UBR3: variants seen among roughly 807,000 people sequenced by gnomAD.
UBR3 encodes the protein E3 ubiquitin-protein ligase UBR3.
A neutral mutation model predicts 243.2 loss-of-function variants in UBR3; 85 were observed. The observed-to-expected ratio is 0.35, with a 90% confidence interval of 0.29 to 0.42. The LOEUF is 0.42. Ranked by LOEUF, UBR3 falls within the 10% of genes least tolerant of loss-of-function variation. The pLI, the probability that UBR3 is intolerant of heterozygous loss-of-function variation, is 1.00. For synonymous variants in UBR3, 748 were observed against 799.8 expected, an observed-to-expected ratio of 0.94 and a Z score of 1.09; for missense variants, 1,686 against 2,300.8, an observed-to-expected ratio of 0.73 and a Z score of 5.47.
chr2:170,034,654 G>A (rs1014762175), intron 31 of UBR3, among the ~76,000 whole-genome samples: 1 of 150,872 alleles, frequency 6.6e-6, no homozygotes. Flanking sequence ...AGGTTTTTGC[G>A]TATATAAGTT....
intron 27 of UBR3, 81 bp from the exon 28 acceptor site, chr2:170,006,908 AT>A: frequency 8.6e-7 from 1 of 1,158,886 alleles, no homozygotes; most frequent in Non-Finnish European, 1.2e-6. Flanking sequence ...TGGTTTATTA[AT>A]TTACTATAAA....
At chr2:170,032,436 AT>A (rs200812692) in intron 31 of UBR3, among the ~76,000 whole-genome samples, 3,672 of 152,212 alleles carry the variant, frequency 0.024, 56 homozygotes, top group Non-Finnish European at 0.037. Context: ...ATGTAGACCT[AT>A]TCAGATTTTG....
rs1249407837 is a variant in UBR3, at chr2:169,827,963, C to T, written c.456C>T (p.Gly152=). ...TGTGCGCCGAGTGCTTCCACCAGGG[C>T]GACCACACCGGACACGACTTCAACA... ...MSLCAECFHQ[G]DHTGHDFNMF... The change falls in exon 1 of 39, where the codon GGC becomes GGT. Residue 152 remains glycine (G), a synonymous_variant. Transcript: ENST00000272793. The T allele has an allele frequency of 6.8e-7, 1 of 1,470,756 alleles. No individual in the cohort carries two copies. The highest frequency in any genetic ancestry group is 2.9e-5 in the East Asian group (1 of 34,706). 91.1% of individuals were successfully genotyped at this position (1,470,756 alleles called of 1,614,324 possible). A position where few individuals can be genotyped will look rare whatever the true frequency, so the allele number is the denominator to read the frequency against.
At chr2:170,012,509 TATC>T (rs1316969400) in intron 29 of UBR3, among the ~76,000 whole-genome samples, 16 of 152,112 alleles carry the variant, frequency 1.1e-4, no homozygotes, top group Admixed American at 2.6e-4. Flanking sequence ...TTTTTAAAAA[TATC>T]ATATAGAGAA....
intron 27 of UBR3, among the ~76,000 whole-genome samples, chr2:170,004,748 T>G (rs565578405): frequency 8.6e-5 from 13 of 151,286 alleles, no homozygotes; most frequent in African/African-American, 3.2e-4. Flanking sequence ...CCATCTATAC[T>G]AAAAACACAA....
chr2:169,929,611 A>T (rs1411456492), intron 18 of UBR3, among the ~76,000 whole-genome samples: 1 of 152,122 alleles, frequency 6.6e-6, no homozygotes, highest in Non-Finnish European at 1.5e-5. Context: ...TGCTGATAGC[A>T]CTTACTTACA....
intron 11 of UBR3, among the ~76,000 whole-genome samples, chr2:169,917,099 C>G (rs1280591413): frequency 6.6e-6 from 1 of 152,124 alleles, no homozygotes; most frequent in Non-Finnish European, 1.5e-5. Context: ...CCTCATTACC[C>G]CTCCCCCAAC....
At chr2:170,055,674 T>G in intron 33 of UBR3, 90 bp downstream of exon 33, 1 of 1,480,240 alleles carries the variant, frequency 6.8e-7, no homozygotes, top group Admixed American at 2.2e-5. Context: ...TGTTACAAAA[T>G]GAGTTATTGG....
At chr2:170,029,039 A>C (rs992261328) in intron 30 of UBR3, among the ~76,000 whole-genome samples, 10 of 151,998 alleles carry the variant, frequency 6.6e-5, no homozygotes, top group Non-Finnish European at 1.5e-4. Context: ...AATGGTGAGA[A>C]GTACAAACTG....
chr2:169,993,082 T>C (rs1232070279), intron 25 of UBR3, among the ~76,000 whole-genome samples: 1 of 152,168 alleles, frequency 6.6e-6, no homozygotes, highest in Non-Finnish European at 1.5e-5. Flanking sequence ...TTTTACATAA[T>C]TATGGTACCA....
chr2:170,080,393 T>G, intron 37 of UBR3, 152 bp from the exon 38 acceptor site: 2 of 882,570 alleles, frequency 2.3e-6, no homozygotes, highest in South Asian at 4.3e-5. Context: ...GTATTAATAA[T>G]AAAGTGTTAG....
chr2:169,936,493 G>A lies in UBR3; in HGVS notation c.2663+3485G>A, dbSNP rs2086336268. On this transcript the variant is annotated intron_variant, in intron 19 of 38. Coordinates refer to ENST00000272793, the MANE Select transcript of UBR3 (RefSeq NM_172070.4). ...TTTTTCTTCATTCTATGTAGTATTTGTTTCCTCTAAGATGCGTTTTCTTTT... is the reference window on the plus strand; with the variant it reads ...TTTTTCTTCATTCTATGTAGTATTTATTTCCTCTAAGATGCGTTTTCTTTT... 2.0e-5 allele frequency among the ~76,000 whole-genome samples: 3 copies of A among 151,360 alleles called. No individual in the cohort carries two copies. In the South Asian group the frequency reaches 6.3e-4, roughly 32 times the overall value.
chr2:169,927,036 G>A (rs1012298831), intron 16 of UBR3, 65 bp downstream of exon 16: 8 of 1,502,194 alleles, frequency 5.3e-6, no homozygotes, highest in Non-Finnish European at 7.2e-6. Context: ...CCCTCCCTGT[G>A]GTAGTAACTG....
intron 24 of UBR3, among the ~76,000 whole-genome samples, chr2:169,966,398 A>G (rs1223583534): frequency 6.6e-6 from 1 of 152,204 alleles, no homozygotes; most frequent in African/African-American, 2.4e-5. Context: ...TTTATACAGT[A>G]CAGAAAAGCC....
At chr2:169,928,689 T>A (rs2086002475) in intron 17 of UBR3, 38 bp from the exon 18 acceptor site, 2 of 1,423,390 alleles carry the variant, frequency 1.4e-6, no homozygotes, top group Admixed American at 2.2e-5. Flanking sequence ...AAATCTGGCT[T>A]TTTGTTACTA....
intron 29 of UBR3, among the ~76,000 whole-genome samples, chr2:170,012,930 T>A (rs1165612360): frequency 6.6e-6 from 1 of 152,062 alleles, no homozygotes; most frequent in Admixed American, 6.6e-5. Context: ...TGGAGCATAG[T>A]TAGAGGGGTT....
In UBR3 at chr2:169,843,897, T is replaced by C. The variant is rs753928168; in HGVS notation, c.545+15845T>C. Among the ~76,000 whole-genome samples, 99 of 152,354 alleles carry C rather than the reference T, an allele frequency of 6.5e-4. No individual in the cohort carries two copies. The Middle Eastern group carries it at 0.017, about 26-fold the overall frequency. ...CTTTTTTAAATATCTTGATAGAGTT[T>C]GTCCGTGAAACAATCTAGGTTTGGA... On this transcript the variant is annotated intron_variant, in intron 1 of 38. Transcript: ENST00000272793.
chr2:170,023,005 A>G (rs1020441885), intron 30 of UBR3, among the ~76,000 whole-genome samples: 1 of 152,184 alleles, frequency 6.6e-6, no homozygotes, highest in Non-Finnish European at 1.5e-5. Context: ...TGAGAGGTGT[A>G]TACTCACACC....
intron 32 of UBR3, among the ~76,000 whole-genome samples, chr2:170,045,163 T>A (rs892921148): frequency 6.6e-6 from 1 of 152,102 alleles, no homozygotes; most frequent in African/African-American, 2.4e-5. Context: ...AAAAGGCACG[T>A]CTTACATGGT....
Sources: gnomAD v4.1 joint callset for allele counts (sites outside exome capture counted in the v4.1 genomes callset) on GRCh38, gnomAD v4.1.1 for gene constraint, MANE v1.5 for transcripts, NCBI Gene and HGNC (gene_info 2026-07-23, HGNC 2026-07-21) for gene names.